COL27A1: variants seen among roughly 807,000 people sequenced by gnomAD.
The protein encoded by COL27A1 is collagen alpha-1(XXVII) chain.
Under a neutral mutation model 251.3 loss-of-function variants are expected in COL27A1, and 106 were observed. The ratio of observed to expected loss-of-function variants is 0.42; its 90% CI spans 0.36 to 0.50. The LOEUF (loss-of-function observed/expected upper bound fraction) is 0.50. COL27A1 is among the 20% of genes least tolerant of loss of function. The probability of loss-of-function intolerance (pLI) is 0.00; values close to 1 mark genes in which losing one functional copy is unlikely to be tolerated. For missense variants in COL27A1, 2,325 were observed against 2,522.8 expected, an observed-to-expected ratio of 0.92 and a Z score of 1.68; for synonymous variants, 1,000 against 986.3, an observed-to-expected ratio of 1.01 and a Z score of -0.26.
intron 28 of COL27A1, among the ~76,000 whole-genome samples, chr9:114,261,046 C>T (rs796267591): frequency 2.0e-5 from 3 of 152,212 alleles, no homozygotes; most frequent in East Asian, 1.9e-4. Context: ...CTTCCCCCTC[C>T]GTAAAACGGG....
chr9:114,176,987 T>C (rs1827508634), intron 3 of COL27A1, among the ~76,000 whole-genome samples: 1 of 152,202 alleles, frequency 6.6e-6, no homozygotes, highest in South Asian at 2.1e-4. Flanking sequence ...TGGAATCTCA[T>C]TGATGGTTAT....
intron 6 of COL27A1, 40 bp from the exon 7 acceptor site, chr9:114,195,919 C>G (rs771166849): frequency 5.5e-6 from 8 of 1,464,606 alleles, no homozygotes; most frequent in Admixed American, 3.3e-5. Flanking sequence ...TGTCTCTGCT[C>G]CCGTTTTCCT....
chr9:114,210,849 CCGCCACG>C (rs1830304866), intron 11 of COL27A1, 126 bp from the exon 12 acceptor site: 1 of 808,074 alleles, frequency 1.2e-6, no homozygotes, highest in Admixed American at 2.0e-5. Flanking sequence ...GTCACTGGGG[CCGCCACG>C]CAAGTGGCAC....
At chr9:114,294,591 C>G (rs1358581000) in intron 49 of COL27A1, among the ~76,000 whole-genome samples, 1 of 152,024 alleles carries the variant, frequency 6.6e-6, no homozygotes, top group East Asian at 1.9e-4. Context: ...AAAAGAAAAC[C>G]CATTTGATCA....
intron 16 of COL27A1, among the ~76,000 whole-genome samples, 188 bp from the exon 17 acceptor site, chr9:114,235,411 G>A (rs889785641): frequency 5.3e-5 from 8 of 152,176 alleles, no homozygotes; most frequent in African/African-American, 1.9e-4. Flanking sequence ...ACATTGGCCA[G>A]CTCACCCCCC....
intron 16 of COL27A1, among the ~76,000 whole-genome samples, chr9:114,234,155 T>C (rs1271718701): frequency 6.6e-6 from 1 of 150,860 alleles, no homozygotes; most frequent in Non-Finnish European, 1.5e-5. Context: ...TTTTAAACTT[T>C]CCTTGTTTTT....
chr9:114,188,196 C>G (rs2135207164), intron 5 of COL27A1, among the ~76,000 whole-genome samples: 1 of 152,348 alleles, frequency 6.6e-6, no homozygotes, highest in South Asian at 2.1e-4. Context: ...TTATGCCCAC[C>G]TTTAATTATA....
intron 57 of COL27A1, among the ~76,000 whole-genome samples, chr9:114,305,996 G>A (rs1290748762): frequency 6.6e-6 from 1 of 152,112 alleles, no homozygotes; most frequent in Non-Finnish European, 1.5e-5. Context: ...AGCATCTGTG[G>A]TCCCCTCCTG....
chr9:114,182,438 T>A (rs1828004213), intron 4 of COL27A1, among the ~76,000 whole-genome samples: 1 of 150,910 alleles, frequency 6.6e-6, no homozygotes, highest in Non-Finnish European at 1.5e-5. Context: ...GAGATGGCAC[T>A]TTGAGCCAGG....
At chr9:114,242,537 G>A (rs147298109) in intron 22 of COL27A1, among the ~76,000 whole-genome samples, 1 of 152,258 alleles carries the variant, frequency 6.6e-6, no homozygotes, top group African/African-American at 2.4e-5. Context: ...GCTTTAGCTC[G>A]ACATCTCACA....
chr9:114,189,304 C>A (rs1463597913), intron 5 of COL27A1, among the ~76,000 whole-genome samples: 1 of 152,162 alleles, frequency 6.6e-6, no homozygotes, highest in Non-Finnish European at 1.5e-5. Flanking sequence ...ACTTGTTAAA[C>A]CATCTTTCCT....
intron 14 of COL27A1, among the ~76,000 whole-genome samples, chr9:114,230,264 G>T (rs1021391566): frequency 2.6e-5 from 4 of 152,116 alleles, no homozygotes; most frequent in African/African-American, 9.6e-5. Flanking sequence ...AATGCCCCTG[G>T]GGAGAGAGAC....
At chr9:114,288,407 T>C in intron 41 of COL27A1, 48 bp from the exon 42 acceptor site, 1 of 1,586,672 alleles carries the variant, frequency 6.3e-7, no homozygotes. Context: ...ATTCCCCACA[T>C]TCCCCAGGAG....
chr9:114,200,371 A>G (rs572642959), intron 7 of COL27A1, among the ~76,000 whole-genome samples: 1 of 152,024 alleles, frequency 6.6e-6, no homozygotes, highest in South Asian at 2.1e-4. Flanking sequence ...TCTTCATTCC[A>G]CCTAATATGC....
At position 114,240,502 on chromosome 9, in the gene COL27A1, C is replaced by A. The variant is rs771185118; in HGVS notation, c.2835+15C>A. 1 of 1,605,118 alleles carries A rather than the reference C, an allele frequency of 6.2e-7. No individual in the cohort carries two copies. Among genetic ancestry groups the A allele is most frequent in the Non-Finnish European group, 8.5e-7 (1 of 1,178,364 alleles). On this transcript the variant is annotated intron_variant, in intron 21 of 60. Transcript: ENST00000356083. The stretch of plus-strand genomic sequence containing the variant: ...TGGGGCCCGAGGTGAGACTGTCTGG[C>A]CCCCTCCACTGCCCATCCTGGCCTG...
At chr9:114,305,856 C>T (rs972686313) in intron 57 of COL27A1, among the ~76,000 whole-genome samples, 8 of 152,342 alleles carry the variant, frequency 5.3e-5, no homozygotes, top group Admixed American at 3.9e-4. Flanking sequence ...TTCACACATG[C>T]GTGCACACAC....
intron 60 of COL27A1, among the ~76,000 whole-genome samples, chr9:114,310,223 T>G (rs1829352390): frequency 6.6e-6 from 1 of 152,044 alleles, no homozygotes; most frequent in African/African-American, 2.4e-5. Flanking sequence ...CCCCAAAAAC[T>G]TATTGAAAAA....
At chr9:114,240,712 C>T (rs920518254) in intron 21 of COL27A1, among the ~76,000 whole-genome samples, 3 of 152,344 alleles carry the variant, frequency 2.0e-5, no homozygotes. Context: ...GTGGCTTCCC[C>T]GCACCCTCCC....
chr9:114,185,174 C>T (rs565140790), intron 5 of COL27A1, among the ~76,000 whole-genome samples: 1 of 152,210 alleles, frequency 6.6e-6, no homozygotes, highest in Non-Finnish European at 1.5e-5. Context: ...ACCACTGAGG[C>T]TCCTCCCTAG....
Sources: gnomAD v4.1 joint callset for allele counts (sites outside exome capture counted in the v4.1 genomes callset) on GRCh38, gnomAD v4.1.1 for gene constraint, MANE v1.5 for transcripts, NCBI Gene and HGNC (gene_info 2026-07-23, HGNC 2026-07-21) for gene names.